Variants in NEGR1 observed in about 807,000 individuals in gnomAD.
NEGR1 encodes the protein IgLON family member 4.
Under a neutral mutation model 40.9 loss-of-function variants are expected in NEGR1, and 10 were observed. The observed-to-expected ratio is 0.24, with a 90% CI of 0.15 to 0.42. The LOEUF is 0.42. Among genes scored for constraint, NEGR1 ranks in the 10% least tolerant of loss-of-function variants. The pLI is 1.00. For synonymous variants in NEGR1, 185 were observed against 166.8 expected (o/e 1.11, Z -0.84); for missense variants, 352 against 438.9 (o/e 0.80, Z 1.77).
At chr1:71,823,598 T>A (rs1012271956) in intron 2 of NEGR1, among the ~76,000 whole-genome samples, 2 of 152,052 alleles carry the variant, frequency 1.3e-5, no homozygotes, top group African/African-American at 4.8e-5. Flanking sequence ...TTTTTCTTAC[T>A]TCATAGCATC....
chr1:71,706,617 A>G (rs558849764), intron 3 of NEGR1, among the ~76,000 whole-genome samples: 1 of 151,612 alleles, frequency 6.6e-6, no homozygotes, highest in African/African-American at 2.4e-5. Context: ...AGGAGAATAA[A>G]GAGTGGAGAG....
chr1:72,027,067 A>G (rs1234839655), intron 1 of NEGR1, among the ~76,000 whole-genome samples: 1 of 152,092 alleles, frequency 6.6e-6, no homozygotes, highest in African/African-American at 2.4e-5. Context: ...GTGGGACTAC[A>G]GGTGCCGGTC....
chr1:72,182,027 C>A (rs374217119), intron 1 of NEGR1, among the ~76,000 whole-genome samples: 1 of 152,030 alleles, frequency 6.6e-6, no homozygotes, highest in Non-Finnish European at 1.5e-5. Context: ...GGAATTCATA[C>A]TAATTTAATA....
chr1:71,467,032 G>A (rs1569907801), intron 6 of NEGR1, among the ~76,000 whole-genome samples: 1 of 152,194 alleles, frequency 6.6e-6, no homozygotes, highest in East Asian at 1.9e-4. Context: ...GTCATGGCCA[G>A]AAGATTTAGC....
At chr1:71,921,929 C>T (rs935626367) in intron 2 of NEGR1, among the ~76,000 whole-genome samples, 4 of 151,740 alleles carry the variant, frequency 2.6e-5, no homozygotes, top group Non-Finnish European at 5.9e-5. Flanking sequence ...GTTGTTCAAG[C>T]GTCAACTGTA....
intron 4 of NEGR1, among the ~76,000 whole-genome samples, chr1:71,628,511 C>T (rs1455659260): frequency 6.6e-6 from 1 of 151,936 alleles, no homozygotes; most frequent in African/African-American, 2.4e-5. Flanking sequence ...GTTTGCTGCA[C>T]CCGTCAACCC....
At chr1:71,752,394 C>T (rs1001281659) in intron 3 of NEGR1, among the ~76,000 whole-genome samples, 4 of 151,848 alleles carry the variant, frequency 2.6e-5, no homozygotes, top group African/African-American at 7.3e-5. Context: ...AGGGATTTTT[C>T]CCACATGTAG....
At chr1:72,249,910 A>G (rs1162897946) in intron 1 of NEGR1, among the ~76,000 whole-genome samples, 1 of 152,180 alleles carries the variant, frequency 6.6e-6, no homozygotes, top group African/African-American at 2.4e-5. Flanking sequence ...TTCAAGCAAC[A>G]TTTGATAGCT....
intron 6 of NEGR1, among the ~76,000 whole-genome samples, chr1:71,520,356 A>G (rs1364419754): frequency 6.6e-6 from 1 of 152,090 alleles, no homozygotes; most frequent in East Asian, 1.9e-4. Context: ...CAATGTCATA[A>G]CGTTGCTCCG....
At chr1:72,262,983 C>A (rs1037525692) in intron 1 of NEGR1, among the ~76,000 whole-genome samples, 1 of 151,674 alleles carries the variant, frequency 6.6e-6, no homozygotes, top group Non-Finnish European at 1.5e-5. Context: ...CACTGTATTT[C>A]TTCTATCACA....
chr1:72,147,760 T>C (rs921257863), intron 1 of NEGR1, among the ~76,000 whole-genome samples: 5 of 152,144 alleles, frequency 3.3e-5, no homozygotes, highest in African/African-American at 1.2e-4. Context: ...AATATAGCAG[T>C]TCCAAATGGG....
At position 72,099,900 on chromosome 1, in the gene NEGR1, T is replaced by C. The variant is rs577466622; in HGVS notation, c.177-164589A>G. 4.6e-4 allele frequency among the ~76,000 whole-genome samples: 69 copies of C among 149,682 alleles called. No homozygotes were observed. In the South Asian group the frequency reaches 9.6e-3, roughly 21 times the overall value. On this transcript the variant is annotated intron_variant, in intron 1 of 6. Transcript: ENST00000357731. ...CTCTCTCTCTCCATATATATATATATACACACACACACATACACATACATA... is the reference window on the plus strand; with the variant it reads ...CTCTCTCTCTCCATATATATATATACACACACACACACATACACATACATA...
At chr1:71,603,322 T>C (rs1379126096) in intron 5 of NEGR1, among the ~76,000 whole-genome samples, 2 of 152,156 alleles carry the variant, frequency 1.3e-5, no homozygotes, top group Admixed American at 1.3e-4. Context: ...AACCACCTTG[T>C]GAATGATAAG....
chr1:71,553,637 A>T (rs1434565590), intron 6 of NEGR1, among the ~76,000 whole-genome samples: 3 of 151,582 alleles, frequency 2.0e-5, no homozygotes. Flanking sequence ...ATATATTGCT[A>T]TAACAGTATC....
chr1:71,622,755 T>C (rs1276182163), intron 4 of NEGR1, among the ~76,000 whole-genome samples: 2 of 151,832 alleles, frequency 1.3e-5, no homozygotes. Flanking sequence ...CATGGGGTAA[T>C]AGATGAGGAT....
At chr1:71,793,702 TA>T (rs1657214176) in intron 2 of NEGR1, among the ~76,000 whole-genome samples, 1 of 152,044 alleles carries the variant, frequency 6.6e-6, no homozygotes, top group Non-Finnish European at 1.5e-5. Flanking sequence ...GTAATATATA[TA>T]AAAATTTTGC....
chr1:71,645,423 G>A (rs11209807), intron 4 of NEGR1, among the ~76,000 whole-genome samples: 5,584 of 151,866 alleles, frequency 0.037, 136 homozygotes, highest in African/African-American at 0.073. Context: ...ATAAACACTT[G>A]ATATTAGTGC....
At chr1:71,991,511 A>G (rs529816301) in intron 1 of NEGR1, among the ~76,000 whole-genome samples, 46 of 152,142 alleles carry the variant, frequency 3.0e-4, no homozygotes, top group Admixed American at 1.4e-3. Flanking sequence ...CCTCTTCTTC[A>G]TCTGAAGAGC....
intron 6 of NEGR1, among the ~76,000 whole-genome samples, chr1:71,474,705 G>C (rs141941356): frequency 8.6e-6 from 1 of 115,778 alleles, no homozygotes; most frequent in Non-Finnish European, 1.7e-5. Context: ...GTGGTGGAGC[G>C]AGACTCTATC....
Sources: gnomAD v4.1 joint callset for allele counts (sites outside exome capture counted in the v4.1 genomes callset) on GRCh38, gnomAD v4.1.1 for gene constraint, MANE v1.5 for transcripts, NCBI Gene and HGNC (gene_info 2026-07-23, HGNC 2026-07-21) for gene names.